NAV1: variants seen among roughly 807,000 people sequenced by gnomAD.
NAV1 encodes neuron navigator 1, also known as pore membrane and/or filament interacting like protein 3.
A neutral mutation model predicts 175.2 loss-of-function variants in NAV1; 18 were observed. The ratio of observed to expected loss-of-function variants is 0.10; its 90% CI spans 0.07 to 0.15. The LOEUF is 0.15. NAV1 is among the 10% of genes least tolerant of loss of function. The pLI is 1.00. For missense variants in NAV1, 1,731 were observed against 2,436.6 expected, an observed-to-expected ratio of 0.71 and a Z score of 6.10; for synonymous variants, 897 against 978.7, an observed-to-expected ratio of 0.92 and a Z score of 1.56.
chr1:201,771,900 A>G (rs1675614473), intron 3 of NAV1, among the ~76,000 whole-genome samples: 1 of 152,244 alleles, frequency 6.6e-6, no homozygotes, highest in South Asian at 2.1e-4. Context: ...GAGAATGTTA[A>G]TAAATTCCCC....
chr1:201,549,336 G>A (rs1183476240), intron 1 of NAV1, among the ~76,000 whole-genome samples: 2 of 151,978 alleles, frequency 1.3e-5, no homozygotes, highest in African/African-American at 4.8e-5. Context: ...AGCCTCCCGA[G>A]TAGCTGGGAT....
At chr1:201,545,283 C>T (rs1665633587) in intron 1 of NAV1, among the ~76,000 whole-genome samples, 1 of 152,088 alleles carries the variant, frequency 6.6e-6, no homozygotes, top group South Asian at 2.1e-4. Context: ...CAAGTGAGAC[C>T]ATGTCAGACC....
chr1:201,635,982 T>C (rs1222475799), intron 2 of NAV1, among the ~76,000 whole-genome samples: 2 of 152,248 alleles, frequency 1.3e-5, no homozygotes, highest in Non-Finnish European at 2.9e-5. Flanking sequence ...GTTTCAGCTA[T>C]GGGAGGCGGA....
intron 2 of NAV1, among the ~76,000 whole-genome samples, chr1:201,615,644 A>G (rs1667982399): frequency 6.6e-6 from 1 of 152,212 alleles, no homozygotes; most frequent in African/African-American, 2.4e-5. Flanking sequence ...TTGCTTCTTT[A>G]TAAAACCCTA....
intron 1 of NAV1, among the ~76,000 whole-genome samples, chr1:201,554,234 G>C (rs1204626719): frequency 1.3e-5 from 2 of 152,208 alleles, no homozygotes; most frequent in African/African-American, 4.8e-5. Context: ...GGCCCTGCAT[G>C]TGGGAAACAC....
At chr1:201,606,863 C>G (rs1401648908) in intron 2 of NAV1, among the ~76,000 whole-genome samples, 1 of 152,124 alleles carries the variant, frequency 6.6e-6, no homozygotes, top group Non-Finnish European at 1.5e-5. Context: ...AGTCAAATAC[C>G]CTTAGACACT....
Position 201,807,044 on chromosome 1 carries a change from G to GTGTGTGTA in NAV1, c.3649-904_3649-903insGTATGTGT, listed in dbSNP as rs1553279774. Among the ~76,000 whole-genome samples the GTGTGTGTA allele has an allele frequency of 4.6e-5, 7 of 151,918 alleles. No individual in the cohort carries two copies. Among genetic ancestry groups the GTGTGTGTA allele is most frequent in the African/African-American group, 1.5e-4 (6 of 41,332 alleles). ...TTCATATCTGTGTCCCTGTGTGTGT[G>GTGTGTGTA]TGTGTATGTGTGTGTGTGGTGTGTG... On this transcript the variant is annotated intron_variant, in intron 17 of 29. Coordinates refer to ENST00000367296, the Ensembl canonical transcript of NAV1. The surrounding 1 kb of genome is among the most constrained non-coding windows in gnomAD (Gnocchi z 5.4).
chr1:201,714,784 G>T (rs1325486674), intron 2 of NAV1, among the ~76,000 whole-genome samples: 2 of 152,170 alleles, frequency 1.3e-5, no homozygotes, highest in African/African-American at 4.8e-5. Flanking sequence ...TGCTGAGAGG[G>T]CCACACCCCA....
At chr1:201,662,746 C>T (rs1043189382) in intron 1 of NAV1, among the ~76,000 whole-genome samples, 9 of 152,228 alleles carry the variant, frequency 5.9e-5, no homozygotes, top group African/African-American at 1.9e-4. Context: ...TGTCCTTCCT[C>T]ACCCTAACCA....
In NAV1 at chr1:201,718,640, C is replaced by G. The variant is rs778591775; in HGVS notation, c.1111C>G (p.Arg371Gly). The G allele has an allele frequency of 6.2e-7, 1 of 1,614,076 alleles. No individual in the cohort carries two copies. The highest frequency in any genetic ancestry group is 1.3e-5 in the African/African-American group (1 of 74,926). ...CCCCAGCAAGCTCAGCCATATCTCC[C>G]GCCTGGAGCTGGTCGAATCCCTGGA... is the stretch of plus-strand genomic sequence containing the variant. Residue 371 changes from arginine (R) to glycine (G), a missense_variant, in exon 3 of 30, where the codon CGC (arginine) becomes GGC (glycine). Arg to Gly is a moderately radical substitution (Grantham distance 125). Transcript: ENST00000367296. This position sits in a 1 kb window ranked among gnomAD's most constrained non-coding sequence, Gnocchi z 4.8.
Position 201,810,866 on chromosome 1 carries a change from C to T in NAV1, c.4797+108C>T, listed in dbSNP as rs1055495104. 1.4e-6 allele frequency: 1 copy of T among 736,084 alleles called. No homozygotes were observed. The highest frequency in any genetic ancestry group is 2.8e-4 in the Middle Eastern group (1 of 3,592). 45.6% of individuals were successfully genotyped at this position (736,084 alleles called of 1,614,324 possible). On this transcript the variant is annotated intron_variant, in intron 24 of 29. Coordinates refer to ENST00000367296, the Ensembl canonical transcript of NAV1. The surrounding 1 kb of genome is among the most constrained non-coding windows in gnomAD (Gnocchi z 6.0). ...ATTGTTCCCTTTTCCTCACCTCTGCCTTCATCTTTCTTCTCTTCTGTGTTC... is the reference window on the plus strand; with the variant it reads ...ATTGTTCCCTTTTCCTCACCTCTGCTTTCATCTTTCTTCTCTTCTGTGTTC...
At chr1:201,542,413 C>CA (rs1374770450) in intron 1 of NAV1, among the ~76,000 whole-genome samples, 1 of 152,104 alleles carries the variant, frequency 6.6e-6, no homozygotes, top group Non-Finnish European at 1.5e-5. Context: ...TAGTCACACA[C>CA]AAAAAATAAT....
In NAV1 at chr1:201,789,767, C is replaced by G. The variant is rs748761331; in HGVS notation, c.3194C>G (p.Ser1065Cys). The G allele has an allele frequency of 1.1e-5, 17 of 1,614,174 alleles. No homozygotes were observed. The highest frequency in any genetic ancestry group is 1.4e-5 in the Non-Finnish European group (16 of 1,180,008). ...CACGGCTCAGTGCTGTCCCTGGCCTCCAGTGCCTCCTCCACCTACTCCTCA... is the reference window on the plus strand; with the variant it reads ...CACGGCTCAGTGCTGTCCCTGGCCTGCAGTGCCTCCTCCACCTACTCCTCA... Residue 1065 changes from serine (S) to cysteine (C), a missense_variant, in exon 11 of 30, where the codon TCC (serine) becomes TGC (cysteine). Physicochemically the swap from Ser to Cys is moderately radical, Grantham distance 112. Around this residue, in one of 13 missense-constraint regions of NAV1, gnomAD observed 85 missense variants for 168.7 expected, o/e 0.50. Coordinates refer to ENST00000367296, the Ensembl canonical transcript of NAV1.
intron 16 of NAV1, among the ~76,000 whole-genome samples, 182 bp from the exon 21 acceptor site, chr1:201,804,307 C>T (rs1558184659): frequency 6.6e-6 from 1 of 152,168 alleles, no homozygotes; most frequent in Non-Finnish European, 1.5e-5. Context: ...CTCTTGCTGA[C>T]TGTGGTAAGA....
At chr1:201,781,331 G>GT (rs1261111259) in intron 5 of NAV1, 22 bp downstream of exon 9, 4 of 1,578,834 alleles carry the variant, frequency 2.5e-6, no homozygotes, top group Admixed American at 3.7e-5. Flanking sequence ...ATAAAGGAAG[G>GT]TACAAGGGCA....
At chr1:201,756,794 CTCTTTCTT>C in intron 3 of NAV1, among the ~76,000 whole-genome samples, 1 of 143,674 alleles carries the variant, frequency 7.0e-6, no homozygotes, top group East Asian at 2.1e-4. Flanking sequence ...ATGAGCAATT[CTCTTTCTT>C]TCTTTCCTTC....
In NAV1 at chr1:201,773,406, T is replaced by A. The variant is rs74136671; in HGVS notation, c.1227-7015T>A. 1.0e-3 allele frequency among the ~76,000 whole-genome samples: 157 copies of A among 152,282 alleles called. 1 individual carries two copies. The highest frequency in any genetic ancestry group is 3.4e-3 in the African/African-American group (142 of 41,560). ...AACAGAGAGCTAATGAAGGTTTTGC[T>A]AAGTGCCACACTTTTGGGTGATTAG... On this transcript the variant is annotated intron_variant, in intron 3 of 29. Coordinates refer to ENST00000367296, the Ensembl canonical transcript of NAV1.
At chr1:201,606,768 T>C (rs756271599) in intron 2 of NAV1, among the ~76,000 whole-genome samples, 2 of 152,182 alleles carry the variant, frequency 1.3e-5, no homozygotes, top group Non-Finnish European at 2.9e-5. Flanking sequence ...GCCTGACTGT[T>C]CAAGGCCCCC....
rs185544296 is a variant in NAV1 at position 201,815,768 on chromosome 1, C to T, written c.5341-1320C>T. On this transcript the variant is annotated intron_variant, in intron 28 of 29. Transcript: ENST00000367296. ...TATTTGTATTTTTGAGACGGAGTTT[C>T]ACTCTTGTTGCCCAGGCTGGAGTGC... Among the ~76,000 whole-genome samples the T allele has an allele frequency of 7.8e-3, 1,195 of 152,230 alleles. 14 individuals are homozygous for T. The highest frequency in any genetic ancestry group is 9.7e-3 in the Non-Finnish European group (662 of 68,012).
Sources: gnomAD v4.1 joint callset for allele counts (sites outside exome capture counted in the v4.1 genomes callset) on GRCh38, gnomAD v4.1.1 for gene constraint, gnomAD v4.1.1 regional missense constraint, Gnocchi (gnomAD v3.1) non-coding constraint, MANE v1.5 for transcripts, NCBI Gene and HGNC (gene_info 2026-07-23, HGNC 2026-07-21) for gene names.